The following RNF217 variants were observed in gnomAD, a reference collection of about 807,000 sequenced individuals.
RNF217 encodes E3 ubiquitin-protein ligase RNF217.
Under a neutral mutation model 57.8 loss-of-function variants are expected in RNF217, and 31 were observed. The observed-to-expected ratio is 0.54, with a 90% CI of 0.40 to 0.72. The LOEUF (loss-of-function observed/expected upper bound fraction) is 0.72. Among genes scored for constraint, RNF217 ranks in the 30% least tolerant of loss-of-function variants. The probability of loss-of-function intolerance (pLI) is 0.00; values close to 1 mark genes in which losing one functional copy is unlikely to be tolerated. For synonymous variants in RNF217, 313 were observed against 294.0 expected (o/e 1.06, Z -0.66); for missense variants, 696 against 708.3 (o/e 0.98, Z 0.20).
rs561928623 is a variant in RNF217, at chr6:125,030,055, G to A, written c.883-15156G>A. On this transcript the variant is annotated intron_variant, in intron 1 of 5. Transcript: ENST00000521654. ...GGAGGTGAAAGGCATTTCTTACATG[G>A]CAGCAGCAAGAGAAAATGAAGAAGA... is the stretch of plus-strand genomic sequence containing the variant. Among the ~76,000 whole-genome samples, 242 of 152,246 alleles carry A rather than the reference G, an allele frequency of 1.6e-3. 3 individuals carry two copies. The highest frequency in any genetic ancestry group is 2.6e-3 in the Non-Finnish European group (178 of 68,022).
intron 2 of RNF217, among the ~76,000 whole-genome samples, chr6:125,048,828 A>T (rs1397144160): frequency 6.6e-6 from 1 of 152,012 alleles, no homozygotes; most frequent in East Asian, 1.9e-4. Context: ...CAGGCCCAAC[A>T]CCCAACAATT....
chr6:125,003,713 A>G lies in RNF217; in HGVS notation c.882+40287A>G, dbSNP rs1171603981. Reference sequence around the variant, plus strand: ...ACCTTATAAATATGTATATATAATTATTTGTCAATTTTAAAAATACAGGTA... The same window carrying G: ...ACCTTATAAATATGTATATATAATTGTTTGTCAATTTTAAAAATACAGGTA... On this transcript the variant is annotated intron_variant, in intron 1 of 5. Transcript: ENST00000521654. Among the ~76,000 whole-genome samples the G allele has an allele frequency of 2.6e-5, 4 of 152,120 alleles. No homozygotes were observed. The East Asian group carries it at 7.7e-4, about 29-fold the overall frequency.
chr6:125,035,022 G>A lies in RNF217; in HGVS notation c.883-10189G>A, dbSNP rs377688310. ...TTGTCTGTTATTGGTGTATAAGAAT[G>A]CTTGTGATTTTTGTACATTGATTTT... On this transcript the variant is annotated intron_variant, in intron 1 of 5. Transcript: ENST00000521654. Among the ~76,000 whole-genome samples the A allele has an allele frequency of 1.8e-4, 27 of 151,944 alleles. No individual in the cohort carries two copies. The South Asian group carries it at 5.2e-3, about 29-fold the overall frequency.
chr6:125,062,835 C>A (rs148797082), intron 3 of RNF217, among the ~76,000 whole-genome samples: 1 of 152,254 alleles, frequency 6.6e-6, no homozygotes, highest in Non-Finnish European at 1.5e-5. Context: ...CTCAGCCTCC[C>A]AAAGTGTTGG....
intron 3 of RNF217, among the ~76,000 whole-genome samples, chr6:125,072,531 G>A (rs1012166299): frequency 4.6e-5 from 7 of 152,090 alleles, no homozygotes; most frequent in African/African-American, 9.7e-5. Context: ...GCTAGAAAGT[G>A]CAAACTTATT....
Position 125,090,592 on chromosome 6 carries a change from T to G in RNF217, c.*7655T>G, listed in dbSNP as rs1788909376. On this transcript the variant is annotated 3_prime_UTR_variant, in exon 6 of 6. Coordinates refer to ENST00000521654, the MANE Select transcript of RNF217 (RefSeq NM_001286398.3). ...CTAAGTATCAGAATGTATTCCATTT[T>G]AATTATATTCTCCTTAACAATAGAA... 1.3e-5 allele frequency: 2 copies of G among 151,764 alleles called. No individual in the cohort carries two copies. Among genetic ancestry groups the G allele is most frequent in the South Asian group, 4.2e-4 (2 of 4,802 alleles). The allele number at this position is 151,764 out of a possible 1,614,324, so 9.4% of individuals were successfully genotyped here. A position where few individuals can be genotyped will look rare whatever the true frequency, so the allele number is the denominator to read the frequency against.
intron 1 of RNF217, among the ~76,000 whole-genome samples, chr6:125,038,684 A>G (rs762535430): frequency 1.3e-5 from 2 of 152,162 alleles, no homozygotes; most frequent in Admixed American, 6.6e-5. Context: ...GAAGACTATC[A>G]ATGCCAATTT....
At chr6:125,080,603 G>A (rs1175830883) in intron 4 of RNF217, among the ~76,000 whole-genome samples, 1 of 151,950 alleles carries the variant, frequency 6.6e-6, no homozygotes, top group Non-Finnish European at 1.5e-5. Context: ...CATGCCGTAA[G>A]GTTTAAAATA....
At chr6:125,008,704 G>C (rs1785292364) in intron 1 of RNF217, 1 of 149,276 alleles carries the variant, frequency 6.7e-6, no homozygotes, top group African/African-American at 2.5e-5. Flanking sequence ...CTCAGCCCCA[G>C]CTTGTATCTA....
intron 1 of RNF217, among the ~76,000 whole-genome samples, chr6:125,032,324 T>C (rs554356709): frequency 1.3e-5 from 2 of 152,288 alleles, no homozygotes; most frequent in Admixed American, 1.3e-4. Context: ...AAATTCCTAA[T>C]TCAATTTTGA....
At chr6:125,065,967 G>A (rs1376322219) in intron 3 of RNF217, among the ~76,000 whole-genome samples, 1 of 152,136 alleles carries the variant, frequency 6.6e-6, no homozygotes, top group Admixed American at 6.5e-5. Context: ...TCTTCTCATA[G>A]CTTCTCTGTC....
At chr6:125,082,681 G>A (rs1467798189) in intron 5 of RNF217, 183 bp from the exon 6 acceptor site, 6 of 1,431,946 alleles carry the variant, frequency 4.2e-6, no homozygotes, top group Middle Eastern at 3.6e-4. Flanking sequence ...GGGTGCTAAA[G>A]GGGAGAAAAG....
chr6:124,997,037 C>T (rs1300686916), intron 1 of RNF217, among the ~76,000 whole-genome samples: 2 of 152,238 alleles, frequency 1.3e-5, no homozygotes, highest in South Asian at 4.1e-4. Flanking sequence ...GTTCTACAAA[C>T]ACGGACGTGC....
chr6:125,052,105 A>G (rs544682448), intron 2 of RNF217, among the ~76,000 whole-genome samples: 48 of 152,190 alleles, frequency 3.2e-4, no homozygotes, highest in African/African-American at 1.1e-3. Context: ...AAGTTCAGAC[A>G]TGCTGTCCAA....
chr6:124,978,373 C>T (rs550187991), intron 1 of RNF217, among the ~76,000 whole-genome samples: 2 of 151,700 alleles, frequency 1.3e-5, no homozygotes, highest in African/African-American at 4.8e-5. Context: ...CGTGGCTCTG[C>T]GCTCAGCCCA....
chr6:125,025,555 G>C (rs1490600170), intron 1 of RNF217, among the ~76,000 whole-genome samples: 2 of 132,766 alleles, frequency 1.5e-5, no homozygotes, highest in African/African-American at 5.9e-5. Context: ...AGGAAGGAAG[G>C]AAGGAAGGAA....
At position 124,963,145 on chromosome 6, in the gene RNF217, C is replaced by T; in HGVS notation, c.601C>T (p.Arg201Cys). The change falls in exon 1 of 6, where the codon CGC (arginine) becomes TGC (cysteine). Residue 201 changes from arginine (R) to cysteine (C), a missense_variant. Physicochemically the swap from Arg to Cys is radical, Grantham distance 180. Transcript: ENST00000521654. ...GCCAGTGTTGAACCCTCCCAGCACC[C>T]GCTCTTCCTTCCCCAGCCCCCGACT... ...APPVLNPPST[R>C]SSFPSPRLSL... is the part of the protein sequence containing the mutation. 2.0e-6 allele frequency: 3 copies of T among 1,534,166 alleles called. No homozygotes were observed. Among genetic ancestry groups the T allele is most frequent in the Non-Finnish European group, 2.6e-6 (3 of 1,145,884 alleles).
chr6:124,972,824 C>A (rs1355292194), intron 1 of RNF217, among the ~76,000 whole-genome samples: 1 of 152,130 alleles, frequency 6.6e-6, no homozygotes, highest in Non-Finnish European at 1.5e-5. Context: ...TCTTTGATAA[C>A]CCTCTTTACT....
chr6:125,009,973 C>T (rs544505362), intron 1 of RNF217, among the ~76,000 whole-genome samples: 2 of 144,614 alleles, frequency 1.4e-5, no homozygotes, highest in East Asian at 4.1e-4. Flanking sequence ...GAATTGAAGA[C>T]AGCTTAGCAT....
Sources: allele counts gnomAD v4.1 joint callset (sites outside exome capture counted in the v4.1 genomes callset), GRCh38; gene constraint gnomAD v4.1.1; transcripts MANE v1.5; gene names NCBI Gene and HGNC (gene_info 2026-07-23, HGNC 2026-07-21).